The following DBF4 variants were observed in gnomAD, a reference collection of about 807,000 sequenced individuals.
The protein encoded by DBF4 is protein DBF4 homolog A.
Under a neutral mutation model 76.6 loss-of-function variants are expected in DBF4, and 25 were observed. The observed-to-expected ratio is 0.33, with a 90% CI of 0.24 to 0.46. The LOEUF (loss-of-function observed/expected upper bound fraction) is 0.46. Ranked by LOEUF, DBF4 falls within the 20% of genes least tolerant of loss-of-function variation. The pLI is 1.00. For missense variants in DBF4, 638 were observed against 760.8 expected (o/e 0.84, Z 1.90); for synonymous variants, 213 against 258.0 (o/e 0.83, Z 1.67).
rs554158560 is a variant in DBF4, at chr7:87,893,536, C to T, written c.598-2938C>T. Among the ~76,000 whole-genome samples the T allele has an allele frequency of 9.2e-5, 14 of 152,276 alleles. No homozygotes were observed. In the East Asian group the frequency reaches 1.7e-3, roughly 19 times the overall value. Reference sequence around the variant, plus strand: ...CTGGGATTACAGGCGTGAGCCACCGCGCCCGGCCTTCTTATGTCTTCCTGG... The same window carrying T: ...CTGGGATTACAGGCGTGAGCCACCGTGCCCGGCCTTCTTATGTCTTCCTGG... On this transcript the variant is annotated intron_variant, in intron 6 of 11. Coordinates refer to ENST00000265728, the MANE Select transcript of DBF4 (RefSeq NM_006716.4).
chr7:87,907,988 C>G lies in DBF4; in HGVS notation c.1850C>G (p.Ser617Cys). 2 of 1,613,656 alleles carry G rather than the reference C, an allele frequency of 1.2e-6. No individual in the cohort carries two copies. The highest frequency in any genetic ancestry group is 1.7e-6 in the Non-Finnish European group (2 of 1,179,750). The change falls in exon 12 of 12, where the codon TCT (serine) becomes TGT (cysteine). Residue 617 changes from serine to cysteine, a missense_variant. Transcript: ENST00000265728. ...AGAATTTGTAGTTCACCGGTACAGT[C>G]TTTACTAGACTTGTTTCAGACTAGT... ...ENRICSSPVQ[S>C]LLDLFQTSEE...
chr7:87,904,424 G>C lies in DBF4; in HGVS notation c.1049+8G>C. 6.2e-7 allele frequency: 1 copy of C among 1,609,320 alleles called. No individual in the cohort carries two copies. Among genetic ancestry groups the C allele is most frequent in the Non-Finnish European group, 8.5e-7 (1 of 1,177,360 alleles). The stretch of plus-strand genomic sequence containing the variant: ...CACACCTAAAAAGAAAAGGTAATTA[G>C]TTTTATCAACCTAAGTTTTAAATTC... On this transcript the variant is annotated splice_region_variant and intron_variant, in intron 11 of 11. Transcript: ENST00000265728.
chr7:87,900,123 A>C lies in DBF4; in HGVS notation c.681-98A>C, dbSNP rs576911458. 1.1e-5 allele frequency: 11 copies of C among 1,025,364 alleles called. No homozygotes were observed. The Admixed American group carries it at 2.9e-4, about 27-fold the overall frequency. The allele number at this position is 1,025,364 out of a possible 1,614,324, so 63.5% of individuals were successfully genotyped here. A position where few individuals can be genotyped will look rare whatever the true frequency, so the allele number is the denominator to read the frequency against. ...GAAAGCCTAAATAATTTGTTATTTCAGATTCCAGCTTAATTATATGATTTT... is the reference window on the plus strand; with the variant it reads ...GAAAGCCTAAATAATTTGTTATTTCCGATTCCAGCTTAATTATATGATTTT... On this transcript the variant is annotated intron_variant, in intron 8 of 11. Coordinates refer to ENST00000265728, the MANE Select transcript of DBF4 (RefSeq NM_006716.4).
chr7:87,903,991 T>C (rs1373433569), intron 10 of DBF4, among the ~76,000 whole-genome samples: 2 of 149,200 alleles, frequency 1.3e-5, no homozygotes, highest in Non-Finnish European at 2.9e-5. Context: ...CCACTGCGCC[T>C]GATCTGTGTC....
chr7:87,884,629 G>A (rs1181531677), intron 2 of DBF4, among the ~76,000 whole-genome samples: 1 of 152,186 alleles, frequency 6.6e-6, no homozygotes, highest in African/African-American at 2.4e-5. Context: ...TCCAGCACAT[G>A]CTGCTGTTGT....
At chr7:87,901,571 T>C (rs909632200) in intron 10 of DBF4, among the ~76,000 whole-genome samples, 3 of 152,174 alleles carry the variant, frequency 2.0e-5, no homozygotes, top group Non-Finnish European at 4.4e-5. Flanking sequence ...TTATTATTTA[T>C]AATGGGAAGA....
chr7:87,892,188 T>C (rs1039912995), intron 6 of DBF4, among the ~76,000 whole-genome samples: 153 of 152,320 alleles, frequency 1.0e-3, no homozygotes, highest in African/African-American at 3.2e-3. Context: ...ATGACGTGTG[T>C]CCATCATTAT....
At chr7:87,891,133 T>C (rs1227634843) in intron 6 of DBF4, among the ~76,000 whole-genome samples, 1 of 151,764 alleles carries the variant, frequency 6.6e-6, no homozygotes, top group Non-Finnish European at 1.5e-5. Context: ...GGTATTTTAC[T>C]CATTGCTTTA....
In DBF4 at chr7:87,885,071, T is replaced by C. The variant is rs769101633; in HGVS notation, c.312T>C (p.Pro104=). Residue 104 remains proline (P), a synonymous_variant, in exon 3 of 12, where the codon CCT becomes CCC. Coordinates refer to ENST00000265728, the MANE Select transcript of DBF4 (RefSeq NM_006716.4). ...CACAAACCTTGGGTCGAATTTCTCC[T>C]GTACCAAGTCCAGAATCTGCATATA... is the stretch of plus-strand genomic sequence containing the variant. The part of the protein sequence containing the change: ...KFAQTLGRIS[P]VPSPESAYTA... The C allele has an allele frequency of 2.5e-6, 4 of 1,614,002 alleles. No individual in the cohort carries two copies. Among genetic ancestry groups the C allele is most frequent in the Non-Finnish European group, 2.5e-6 (3 of 1,179,862 alleles).
chr7:87,883,821 G>C (rs1399070901), intron 2 of DBF4, among the ~76,000 whole-genome samples: 1 of 152,092 alleles, frequency 6.6e-6, no homozygotes, highest in Non-Finnish European at 1.5e-5. Context: ...AGTCTTTCAT[G>C]GATGTAAATT....
intron 1 of DBF4, 74 bp downstream of exon 1, chr7:87,876,852 G>C: frequency 1.3e-6 from 2 of 1,527,004 alleles, no homozygotes; most frequent in African/African-American, 1.4e-5. Context: ...TGATTCTTCA[G>C]ACTTCTCCCG....
intron 6 of DBF4, chr7:87,896,189 AG>A (rs1469578714): frequency 6.5e-6 from 2 of 305,424 alleles, no homozygotes; most frequent in Non-Finnish European, 1.2e-5. Context: ...TTGCTGAATA[AG>A]GGCATAAAAA....
intron 6 of DBF4, among the ~76,000 whole-genome samples, chr7:87,893,406 C>T (rs990017033): frequency 2.6e-5 from 4 of 151,412 alleles, no homozygotes; most frequent in East Asian, 1.9e-4. Context: ...CCACCGCGCC[C>T]GGCTAATTTT....
In DBF4 at chr7:87,878,203, A is replaced by C; in HGVS notation, c.197A>C (p.Lys66Thr). Residue 66 changes from lysine to threonine, a missense_variant, in exon 2 of 12, where the codon AAG becomes ACG. Transcript: ENST00000265728. ...GTCACCATATCTGAAAAACTTCAAA[A>C]GGACATTAAGGATCTGGGAGGGGTA... is the stretch of plus-strand genomic sequence containing the variant. ...PSVTISEKLQKDIKDLGGRVE... is the reference protein window; with the variant it reads ...PSVTISEKLQTDIKDLGGRVE... 1 of 1,610,876 alleles carries C rather than the reference A, an allele frequency of 6.2e-7. No homozygotes were observed.
rs767905167 is a variant in DBF4, at chr7:87,907,173, A to G, written c.1050-15A>G. The G allele has an allele frequency of 1.2e-5, 18 of 1,522,596 alleles. No individual in the cohort carries two copies. The East Asian group carries it at 3.2e-4, about 27-fold the overall frequency. The allele number at this position is 1,522,596 out of a possible 1,614,324, so 94.3% of individuals were successfully genotyped here. A position where few individuals can be genotyped will look rare whatever the true frequency, so the allele number is the denominator to read the frequency against. The stretch of plus-strand genomic sequence containing the variant: ...GCAATTATTTTAATATTTTTCTTCT[A>G]TTTTTCCTACAAAGAATAAAATACA... On this transcript the variant is annotated splice_polypyrimidine_tract_variant and intron_variant, in intron 11 of 11. Transcript: ENST00000265728.
chr7:87,882,931 T>C (rs984611552), intron 2 of DBF4, among the ~76,000 whole-genome samples: 7 of 152,144 alleles, frequency 4.6e-5, no homozygotes, highest in African/African-American at 1.7e-4. Context: ...AATTACTATA[T>C]GATTTTGCAA....
intron 1 of DBF4, 70 bp from the exon 2 acceptor site, chr7:87,877,983 G>A: frequency 8.5e-7 from 1 of 1,179,690 alleles, no homozygotes; most frequent in Non-Finnish European, 1.2e-6. Context: ...CTGTAATATT[G>A]TATAATGAAA....
chr7:87,876,867 G>C (rs548495039), intron 1 of DBF4, 89 bp downstream of exon 1: 11 of 1,431,106 alleles, frequency 7.7e-6, no homozygotes, highest in South Asian at 1.2e-5. Context: ...CTCCCGCCGG[G>C]TCCTCAGCTT....
At chr7:87,886,577 A>G (rs1004105312) in intron 3 of DBF4, among the ~76,000 whole-genome samples, 1 of 151,702 alleles carries the variant, frequency 6.6e-6, no homozygotes, top group African/African-American at 2.4e-5. Flanking sequence ...AACATGTGAA[A>G]ACAGTATATA....
Sources: allele counts gnomAD v4.1 joint callset (sites outside exome capture counted in the v4.1 genomes callset), GRCh38; gene constraint gnomAD v4.1.1; transcripts MANE v1.5; gene names NCBI Gene and HGNC (gene_info 2026-07-23, HGNC 2026-07-21).